The following ENTPD4 variants were observed in gnomAD, a reference collection of about 807,000 sequenced individuals.
ENTPD4 encodes the protein Golgi UDPase.
A neutral mutation model predicts 79.1 loss-of-function variants in ENTPD4; 60 were observed. That is an observed-to-expected ratio of 0.76 (90% CI 0.62 to 0.94). ENTPD4 has a LOEUF of 0.94. Among genes scored for constraint, ENTPD4 ranks in the 40% least tolerant of loss-of-function variants. ENTPD4 has a pLI of 0.00. For synonymous variants in ENTPD4, 276 were observed against 292.0 expected (o/e 0.95, Z 0.56); for missense variants, 772 against 775.1 (o/e 1.00, Z 0.05).
chr8:23,440,028 A>C (rs1585403795), intron 8 of ENTPD4, 113 bp from the exon 9 acceptor site: 4 of 818,584 alleles, frequency 4.9e-6, no homozygotes, highest in Non-Finnish European at 7.8e-6. Context: ...CTGCTTCTGC[A>C]CTTCCCAAGG....
At chr8:23,451,289 G>C (rs1800857156) in intron 1 of ENTPD4, among the ~76,000 whole-genome samples, 1 of 152,058 alleles carries the variant, frequency 6.6e-6, no homozygotes, top group African/African-American at 2.4e-5. Context: ...CAAAGTGCTG[G>C]GATTACAGGC....
chr8:23,455,338 A>G (rs74802826), intron 1 of ENTPD4, among the ~76,000 whole-genome samples: 2,260 of 152,326 alleles, frequency 0.015, 58 homozygotes, highest in African/African-American at 0.051. Context: ...GAAAAGAATG[A>G]TTTGAATATC....
rs542972732 is a variant in ENTPD4, at chr8:23,440,740, A to G, written c.883-825T>C. On this transcript the variant is annotated intron_variant, in intron 8 of 12. Coordinates refer to ENST00000358689, the MANE Select transcript of ENTPD4 (RefSeq NM_004901.5). ...GTGCATTAGATATACTGGATGCATT[A>G]TCTCATTTAAACCTTCTAATAACCC... Among the ~76,000 whole-genome samples the G allele has an allele frequency of 3.9e-5, 6 of 152,356 alleles. No individual in the cohort carries two copies. In the South Asian group the frequency reaches 1.0e-3, roughly 26 times the overall value.
At chr8:23,439,627 TA>T (rs1206254365) in intron 9 of ENTPD4, 121 bp downstream of exon 9, 2 of 891,708 alleles carry the variant, frequency 2.2e-6, no homozygotes, top group Non-Finnish European at 3.6e-6. Flanking sequence ...AGTGGGGGAA[TA>T]AAAAGCTAAC....
Position 23,444,102 on chromosome 8 carries a change from G to A in ENTPD4, c.564-149C>T, listed in dbSNP as rs374233549. On this transcript the variant is annotated intron_variant, in intron 5 of 12. Coordinates refer to ENST00000358689, the MANE Select transcript of ENTPD4 (RefSeq NM_004901.5). ...GTTAATTTTTTTAAAAAAGAAATTC[G>A]TTGGAAAGATTATATTAGGAATGAA... is the stretch of plus-strand genomic sequence containing the variant. 7.2e-3 allele frequency: 4,053 copies of A among 562,184 alleles called. 67 individuals carry two copies. The highest frequency in any genetic ancestry group is 0.045 in the South Asian group (1,524 of 34,096). 34.8% of individuals were successfully genotyped at this position (562,184 alleles called of 1,614,324 possible).
At chr8:23,438,964 A>AT (rs958807864) in intron 9 of ENTPD4, among the ~76,000 whole-genome samples, 2 of 152,254 alleles carry the variant, frequency 1.3e-5, no homozygotes, top group Admixed American at 6.5e-5. Context: ...ATGAACTAGG[A>AT]TTTTTTTCCC....
chr8:23,439,323 C>T (rs1458752184), intron 9 of ENTPD4, among the ~76,000 whole-genome samples: 1 of 152,182 alleles, frequency 6.6e-6, no homozygotes, highest in Non-Finnish European at 1.5e-5. Flanking sequence ...CTGCTTCATC[C>T]ACAGAGTCTC....
intron 4 of ENTPD4, among the ~76,000 whole-genome samples, chr8:23,445,052 C>T (rs972203629): frequency 6.6e-6 from 1 of 152,178 alleles, no homozygotes; most frequent in African/African-American, 2.4e-5. Context: ...ACAGCCACCC[C>T]CAATGCATCA....
At position 23,430,770 on chromosome 8, in the gene ENTPD4, C is replaced by T. The variant is rs1800440108; in HGVS notation, c.*2156G>A. On this transcript the variant is annotated 3_prime_UTR_variant, in exon 13 of 13. Coordinates refer to ENST00000358689, the MANE Select transcript of ENTPD4 (RefSeq NM_004901.5). ...ACCTGCCCACTTCAACCATTTGTGG[C>T]CCCTTCCTTTCCTTTCTTCCCTCTC... is the stretch of plus-strand genomic sequence containing the variant. 1.0e-6 allele frequency: 1 copy of T among 985,732 alleles called. No individual in the cohort carries two copies. Among genetic ancestry groups the T allele is most frequent in the Non-Finnish European group, 1.2e-6 (1 of 830,180 alleles). The allele number at this position is 985,732 out of a possible 1,614,324, so 61.1% of individuals were successfully genotyped here. A position where few individuals can be genotyped will look rare whatever the true frequency, so the allele number is the denominator to read the frequency against.
chr8:23,431,020 AG>A lies in ENTPD4; in HGVS notation c.*1905del. On this transcript the variant is annotated 3_prime_UTR_variant, in exon 13 of 13. Transcript: ENST00000358689. ...CTGCTGGTAACACGCTTTGAAATCC[AG>A]GTGAGGGAGCCATGCCCCCACAGCT... The A allele has an allele frequency of 1.0e-6, 1 of 967,538 alleles. No homozygotes were observed. Among genetic ancestry groups the A allele is most frequent in the Non-Finnish European group, 1.2e-6 (1 of 813,670 alleles). The allele number at this position is 967,538 out of a possible 1,614,324, so 59.9% of individuals were successfully genotyped here. A position where few individuals can be genotyped will look rare whatever the true frequency, so the allele number is the denominator to read the frequency against.
chr8:23,443,819 C>A, intron 6 of ENTPD4, 31 bp downstream of exon 6: 1 of 1,413,868 alleles, frequency 7.1e-7, no homozygotes, highest in African/African-American at 1.4e-5. Context: ...AACAGCTTCC[C>A]AAATTTTAAA....
At position 23,429,936 on chromosome 8, in the gene ENTPD4, A is replaced by C; in HGVS notation, c.*2990T>G. On this transcript the variant is annotated 3_prime_UTR_variant, in exon 13 of 13. Coordinates refer to ENST00000358689, the MANE Select transcript of ENTPD4 (RefSeq NM_004901.5). Reference sequence around the variant, plus strand: ...CCCTGGAGGAGGTTTAAAAGTGAGAAGCCCATGATATGGCTATGGAACATA... The same window carrying C: ...CCCTGGAGGAGGTTTAAAAGTGAGACGCCCATGATATGGCTATGGAACATA... 1 of 985,482 alleles carries C rather than the reference A, an allele frequency of 1.0e-6. No homozygotes were observed. The highest frequency in any genetic ancestry group is 1.2e-6 in the Non-Finnish European group (1 of 829,936). 61.0% of individuals were successfully genotyped at this position (985,482 alleles called of 1,614,324 possible). A position where few individuals can be genotyped will look rare whatever the true frequency, so the allele number is the denominator to read the frequency against.
Position 23,429,262 on chromosome 8 carries a change from G to A in ENTPD4, c.*3664C>T, listed in dbSNP as rs964709034. The A allele has an allele frequency of 2.0e-5, 20 of 985,310 alleles. No homozygotes were observed. Among genetic ancestry groups the A allele is most frequent in the African/African-American group, 5.2e-5 (3 of 57,234 alleles). 61.0% of individuals were successfully genotyped at this position (985,310 alleles called of 1,614,324 possible). ...TGACATGACACCAAAAGGACCTTCCGAGAGTATTATTCTTACTTTGGATGG... is the reference window on the plus strand; with the variant it reads ...TGACATGACACCAAAAGGACCTTCCAAGAGTATTATTCTTACTTTGGATGG... On this transcript the variant is annotated 3_prime_UTR_variant, in exon 13 of 13. Coordinates refer to ENST00000358689, the MANE Select transcript of ENTPD4 (RefSeq NM_004901.5).
chr8:23,430,903 G>C lies in ENTPD4; in HGVS notation c.*2023C>G, dbSNP rs1044454051. The C allele has an allele frequency of 6.1e-6, 6 of 985,334 alleles. No individual in the cohort carries two copies. The highest frequency in any genetic ancestry group is 1.7e-5 in the African/African-American group (1 of 57,214). 61.0% of individuals were successfully genotyped at this position (985,334 alleles called of 1,614,324 possible). ...CAGGTGGCCAAGACCAACTTATTAG[G>C]TAGCCAGAAGCTCACCCCTTTCTTA... On this transcript the variant is annotated 3_prime_UTR_variant, in exon 13 of 13. Transcript: ENST00000358689.
At chr8:23,451,553 C>T (rs1324294482) in intron 1 of ENTPD4, among the ~76,000 whole-genome samples, 2 of 152,138 alleles carry the variant, frequency 1.3e-5, no homozygotes, top group African/African-American at 4.8e-5. Context: ...GCTCAGGACC[C>T]CGATCAGATT....
In ENTPD4 at chr8:23,437,033, G is replaced by A. The variant is rs1800575770; in HGVS notation, c.1275C>T (p.Asn425=). The part of the protein sequence containing the change: ...GVYQPPIHFQ[N]SEFYGFSEFY... ...ATTCGGAGAAGCCATAGAATTCACT[G>A]TTCTGGAAGTGAATTGGGGGCTGGT... Residue 425 remains asparagine, a synonymous_variant, in exon 10 of 13, where the codon AAC becomes AAT. Coordinates refer to ENST00000358689, the MANE Select transcript of ENTPD4 (RefSeq NM_004901.5). 7 of 1,613,774 alleles carry A rather than the reference G, an allele frequency of 4.3e-6. No individual in the cohort carries two copies. The highest frequency in any genetic ancestry group is 1.6e-4 in the Middle Eastern group (1 of 6,084).
chr8:23,457,399 A>C (rs1800978657), intron 1 of ENTPD4, among the ~76,000 whole-genome samples, 158 bp downstream of exon 1: 1 of 72,554 alleles, frequency 1.4e-5, no homozygotes. Context: ...GGAGGCGGGA[A>C]CCGGTCCGCG....
intron 3 of ENTPD4, among the ~76,000 whole-genome samples, chr8:23,448,424 G>A (rs1226576231): frequency 6.6e-6 from 1 of 152,166 alleles, no homozygotes; most frequent in Non-Finnish European, 1.5e-5. Context: ...TCACCAATGC[G>A]ATGCTATTAG....
intron 9 of ENTPD4, among the ~76,000 whole-genome samples, chr8:23,438,715 A>C (rs1467829294): frequency 6.6e-6 from 1 of 152,222 alleles, no homozygotes; most frequent in East Asian, 1.9e-4. Context: ...GATTATACCA[A>C]AATGTGCTAA....
Sources: gnomAD v4.1 joint callset for allele counts (sites outside exome capture counted in the v4.1 genomes callset) on GRCh38, gnomAD v4.1.1 for gene constraint, MANE v1.5 for transcripts, NCBI Gene and HGNC (gene_info 2026-07-23, HGNC 2026-07-21) for gene names.